The following RAB7A variants were observed in gnomAD, a reference collection of about 807,000 sequenced individuals.
The protein encoded by RAB7A is ras-related protein Rab-7a.
In RAB7A, 2 loss-of-function variants were observed where a neutral mutation model predicts 24.5. The observed-to-expected ratio is 0.08, with a 90% CI of 0.03 to 0.26. The LOEUF (loss-of-function observed/expected upper bound fraction) is 0.26. Among genes scored for constraint, RAB7A ranks in the 10% least tolerant of loss-of-function variants. The pLI, the probability that RAB7A is intolerant of heterozygous loss-of-function variation, is 1.00. For synonymous variants in RAB7A, 100 were observed against 95.9 expected (o/e 1.04, Z -0.25); for missense variants, 118 against 255.7 (o/e 0.46, Z 3.67).
chr3:128,741,685 T>C (rs1485393411), intron 1 of RAB7A, among the ~76,000 whole-genome samples: 1 of 152,000 alleles, frequency 6.6e-6, no homozygotes, highest in Non-Finnish European at 1.5e-5. Flanking sequence ...TGCCTGGCTG[T>C]GTCTTTTGTT....
intron 1 of RAB7A, among the ~76,000 whole-genome samples, chr3:128,777,282 ATCC>A (rs2107603640): frequency 6.6e-6 from 1 of 152,094 alleles, no homozygotes; most frequent in African/African-American, 2.4e-5. Context: ...CAGCCTTGAC[ATCC>A]TGGGCTCAAG....
At chr3:128,789,761 A>G (rs988551646) in intron 1 of RAB7A, among the ~76,000 whole-genome samples, 1 of 151,978 alleles carries the variant, frequency 6.6e-6, no homozygotes, top group Non-Finnish European at 1.5e-5. Context: ...TCTTGTAGCA[A>G]AAGTTGCATT....
chr3:128,766,007 C>T (rs1050611875), intron 1 of RAB7A, among the ~76,000 whole-genome samples: 6 of 152,088 alleles, frequency 3.9e-5, no homozygotes, highest in Admixed American at 3.9e-4. Flanking sequence ...GGTGATCCAC[C>T]CACCTCAGCC....
intron 1 of RAB7A, among the ~76,000 whole-genome samples, chr3:128,789,933 A>G (rs1933420443): frequency 6.6e-6 from 1 of 151,978 alleles, no homozygotes; most frequent in South Asian, 2.1e-4. Context: ...TGAGATTACA[A>G]GCGCGTGCCA....
chr3:128,791,845 C>G (rs906929042), intron 1 of RAB7A, among the ~76,000 whole-genome samples: 3 of 152,162 alleles, frequency 2.0e-5, no homozygotes, highest in Non-Finnish European at 2.9e-5. Context: ...TGTATGGACT[C>G]TTGCAAGAAC....
chr3:128,729,502 A>G (rs941221109), intron 1 of RAB7A, among the ~76,000 whole-genome samples: 2 of 150,220 alleles, frequency 1.3e-5, no homozygotes, highest in Admixed American at 1.3e-4. Context: ...CCCAGGAGGC[A>G]GGGCTTGCAG....
At chr3:128,739,463 A>G (rs1658960678) in intron 1 of RAB7A, among the ~76,000 whole-genome samples, 1 of 151,918 alleles carries the variant, frequency 6.6e-6, no homozygotes, top group Admixed American at 6.6e-5. Context: ...CAGTGAGCCA[A>G]GATCGCGCCA....
chr3:128,761,005 G>A (rs954487133), intron 1 of RAB7A, among the ~76,000 whole-genome samples: 2 of 152,186 alleles, frequency 1.3e-5, no homozygotes, highest in Non-Finnish European at 2.9e-5. Flanking sequence ...ACAGATGCAC[G>A]AATTTGTTTC....
intron 1 of RAB7A, among the ~76,000 whole-genome samples, chr3:128,756,753 T>G: frequency 6.6e-6 from 1 of 152,070 alleles, no homozygotes; most frequent in Non-Finnish European, 1.5e-5. Flanking sequence ...GATTTCAAAA[T>G]GTACTGCAAA....
chr3:128,752,844 A>T (rs938260885), intron 1 of RAB7A, among the ~76,000 whole-genome samples: 1 of 150,774 alleles, frequency 6.6e-6, no homozygotes, highest in Non-Finnish European at 1.5e-5. Context: ...TTTTATTTCC[A>T]GGTTCAAAAT....
intron 1 of RAB7A, among the ~76,000 whole-genome samples, chr3:128,744,176 C>T (rs1429140603): frequency 6.6e-6 from 1 of 152,030 alleles, no homozygotes; most frequent in East Asian, 1.9e-4. Flanking sequence ...TCACTTGAGC[C>T]CTGCGGTTGG....
intron 1 of RAB7A, among the ~76,000 whole-genome samples, chr3:128,794,885 T>C (rs545311193): frequency 7.2e-5 from 11 of 152,000 alleles, no homozygotes; most frequent in Non-Finnish European, 1.5e-4. Flanking sequence ...TAGATTAATA[T>C]AGTACATAAA....
intron 1 of RAB7A, among the ~76,000 whole-genome samples, chr3:128,740,980 T>C (rs1463150449): frequency 6.6e-6 from 1 of 151,344 alleles, no homozygotes; most frequent in Non-Finnish European, 1.5e-5. Context: ...TACTTTTTTA[T>C]ATTCACTTAA....
At chr3:128,799,246 C>CTTTTTTTTTTTT (rs71153148) in intron 3 of RAB7A, 1 of 145,622 alleles carries the variant, frequency 6.9e-6, no homozygotes. Context: ...CTGTTACTCA[C>CTTTTTTTTTTTT]TTTTTTTTTT....
At chr3:128,729,325 C>T (rs535187135) in intron 1 of RAB7A, among the ~76,000 whole-genome samples, 71 of 152,226 alleles carry the variant, frequency 4.7e-4, no homozygotes, top group African/African-American at 1.7e-3. Flanking sequence ...AATCCCAGCA[C>T]TTTGGGAGGC....
At chr3:128,753,990 T>TAA (rs983604500) in intron 1 of RAB7A, among the ~76,000 whole-genome samples, 4 of 151,988 alleles carry the variant, frequency 2.6e-5, no homozygotes, top group African/African-American at 9.7e-5. Context: ...ACACAAACAC[T>TAA]AAAACTACAG....
intron 5 of RAB7A, 96 bp downstream of exon 5, chr3:128,807,767 C>T (rs1053518179): frequency 6.7e-5 from 104 of 1,555,036 alleles, no homozygotes; most frequent in Non-Finnish European, 8.6e-5. Context: ...TTCCCTAACC[C>T]ACTCTTTTCT....
At chr3:128,744,997 C>T (rs1344160351) in intron 1 of RAB7A, among the ~76,000 whole-genome samples, 2 of 151,694 alleles carry the variant, frequency 1.3e-5, no homozygotes, top group Non-Finnish European at 2.9e-5. Flanking sequence ...CCTCAGCATC[C>T]CGAGTAGCTG....
chr3:128,782,496 C>CA (rs1256908753), intron 1 of RAB7A, among the ~76,000 whole-genome samples: 2 of 152,056 alleles, frequency 1.3e-5, no homozygotes, highest in African/African-American at 4.8e-5. Context: ...CTCTAAGGGA[C>CA]AGCACTGTGT....
Sources: gnomAD v4.1 joint callset for allele counts (sites outside exome capture counted in the v4.1 genomes callset) on GRCh38, gnomAD v4.1.1 for gene constraint, MANE v1.5 for transcripts, NCBI Gene and HGNC (gene_info 2026-07-23, HGNC 2026-07-21) for gene names.